Variants in PGPEP1L observed in about 807,000 individuals in gnomAD.
PGPEP1L encodes the protein pyroglutamyl-peptidase I like, also known as pyroglutamyl-peptidase 1-like protein.
PGPEP1L carries 7 observed loss-of-function variants against 6.0 expected under a neutral mutation model. That is an observed-to-expected ratio of 1.17 (90% CI 0.66 to 2.19). The LOEUF (loss-of-function observed/expected upper bound fraction) is 2.19, where lower values mean the gene tolerates loss of function less well. Ranked by LOEUF, PGPEP1L falls within the 30% of genes most tolerant of loss-of-function variation. PGPEP1L has a pLI of 0.00. For missense variants in PGPEP1L, 209 were observed against 192.5 expected (o/e 1.09, Z -0.51); for synonymous variants, 103 against 83.9 (o/e 1.23, Z -1.24).
chr15:98,981,489 C>CAAAAA (rs769918543), intron 2 of PGPEP1L, among the ~76,000 whole-genome samples: 2 of 82,128 alleles, frequency 2.4e-5, no homozygotes, highest in African/African-American at 6.8e-5. Context: ...GACTCCGTCT[C>CAAAAA]AAAAAAAAAA....
chr15:98,983,395 A>T (rs928187092), intron 2 of PGPEP1L, among the ~76,000 whole-genome samples: 4 of 152,200 alleles, frequency 2.6e-5, no homozygotes, highest in Non-Finnish European at 5.9e-5. Flanking sequence ...ATTATTCTGC[A>T]TGTCAAGTTT....
chr15:98,979,289 C>G (rs73465797), intron 2 of PGPEP1L, among the ~76,000 whole-genome samples: 9,597 of 151,738 alleles, frequency 0.063, 607 homozygotes, highest in African/African-American at 0.16. Context: ...TAAGATGCAG[C>G]TGCCTGTGAG....
chr15:98,972,119 G>T (rs756777583), intron 2 of PGPEP1L, among the ~76,000 whole-genome samples: 1 of 152,074 alleles, frequency 6.6e-6, no homozygotes, highest in Non-Finnish European at 1.5e-5. Flanking sequence ...TTGGGAGGCC[G>T]AGGTGAGTGG....
rs1162598251 is a variant in PGPEP1L at position 98,990,247 on chromosome 15, A to G, written c.-142+15182T>C. On this transcript the variant is annotated intron_variant, in intron 2 of 4. Coordinates refer to ENST00000535714, the MANE Select transcript of PGPEP1L (RefSeq NM_001167902.2). ...ACGTGCAAAGACACACATAGGCTCAAAATAAAGGGATGGAGGAATATTTAC... is the reference window on the plus strand; with the variant it reads ...ACGTGCAAAGACACACATAGGCTCAGAATAAAGGGATGGAGGAATATTTAC... 2.0e-5 allele frequency among the ~76,000 whole-genome samples: 3 copies of G among 152,172 alleles called. No individual in the cohort carries two copies. In the East Asian group the frequency reaches 5.8e-4, roughly 29 times the overall value.
At chr15:98,971,292 A>C in intron 2 of PGPEP1L, 134 bp from the exon 3 acceptor site, 1 of 1,256,346 alleles carries the variant, frequency 8.0e-7, no homozygotes, top group South Asian at 1.5e-5. Flanking sequence ...GCCCTCAAGG[A>C]GCTCACAAAG....
intron 3 of PGPEP1L, among the ~76,000 whole-genome samples, chr15:98,970,807 C>T (rs2151753666): frequency 6.6e-6 from 1 of 152,268 alleles, no homozygotes; most frequent in South Asian, 2.1e-4. Context: ...CATTTCTTTT[C>T]CTCCTCCTTT....
chr15:98,970,541 T>G (rs2017478432), intron 3 of PGPEP1L, among the ~76,000 whole-genome samples: 1 of 151,882 alleles, frequency 6.6e-6, no homozygotes. Flanking sequence ...TGGTCCTTGT[T>G]TGGGGTTTTT....
At chr15:98,983,740 A>G (rs1036895823) in intron 2 of PGPEP1L, among the ~76,000 whole-genome samples, 1 of 152,216 alleles carries the variant, frequency 6.6e-6, no homozygotes, top group African/African-American at 2.4e-5. Context: ...TGCAAACAGC[A>G]TTAAGTCGCT....
chr15:98,990,509 T>G (rs925874779), intron 2 of PGPEP1L, among the ~76,000 whole-genome samples: 2 of 152,102 alleles, frequency 1.3e-5, no homozygotes, highest in African/African-American at 4.8e-5. Flanking sequence ...CACACAATAA[T>G]AGTGGGAGAC....
chr15:98,996,524 ATGTG>A (rs58220323), intron 2 of PGPEP1L, among the ~76,000 whole-genome samples: 4,642 of 151,652 alleles, frequency 0.031, 79 homozygotes, highest in Middle Eastern at 0.054. Context: ...ATATAGGGGT[ATGTG>A]TGTGTGTGTG....
intron 2 of PGPEP1L, among the ~76,000 whole-genome samples, chr15:98,992,616 C>CA (rs1231936989): frequency 6.6e-6 from 1 of 152,190 alleles, no homozygotes; most frequent in Admixed American, 6.5e-5. Flanking sequence ...CATATGCAAC[C>CA]AAAAAAGAGC....
intron 3 of PGPEP1L, 66 bp downstream of exon 3, chr15:98,970,970 G>A (rs984800211): frequency 2.9e-5 from 47 of 1,595,114 alleles, no homozygotes; most frequent in South Asian, 4.5e-5. Context: ...ACCAGGACCC[G>A]GGGGTTCAGA....
intron 2 of PGPEP1L, among the ~76,000 whole-genome samples, chr15:98,983,874 T>C (rs2017704466): frequency 6.6e-6 from 1 of 152,178 alleles, no homozygotes; most frequent in Admixed American, 6.5e-5. Context: ...ACAATAAAAA[T>C]GCATTTGAGT....
chr15:98,990,534 G>A (rs1356056375), intron 2 of PGPEP1L, among the ~76,000 whole-genome samples: 51 of 152,254 alleles, frequency 3.3e-4, no homozygotes, highest in African/African-American at 1.2e-3. Flanking sequence ...ACACCCCACT[G>A]TCAATATTAA....
At position 98,971,198 on chromosome 15, in the gene PGPEP1L, G is replaced by A. The variant is rs762455672; in HGVS notation, c.-141-40C>T. On this transcript the variant is annotated intron_variant, in intron 2 of 4. Coordinates refer to ENST00000535714, the MANE Select transcript of PGPEP1L (RefSeq NM_001167902.2). ...AGGTGGACTTGCCTCAGTTGATGGG[G>A]GGGGGGGGGGGGTGGGCACCAAGAG... 1.2e-4 allele frequency: 35 copies of A among 286,916 alleles called. 3 individuals carry two copies. Among genetic ancestry groups the A allele is most frequent in the Admixed American group, 8.0e-4 (7 of 8,716 alleles). The allele number at this position is 286,916 out of a possible 1,614,324, so 17.8% of individuals were successfully genotyped here.
intron 2 of PGPEP1L, among the ~76,000 whole-genome samples, chr15:98,978,952 T>C (rs575942357): frequency 3.3e-5 from 5 of 151,850 alleles, no homozygotes; most frequent in African/African-American, 1.2e-4. Context: ...ATGGTCTCGA[T>C]CTCTTGACCT....
rs2017473957 is a variant in PGPEP1L at position 98,970,235 on chromosome 15, G to C, written c.-18-584C>G. On this transcript the variant is annotated intron_variant, in intron 3 of 4. Transcript: ENST00000535714. ...ATTTTTGTATTTGTAGTAGAGATGG[G>C]ATTTCACCATGTTGGCCAGGCTGGT... is the stretch of plus-strand genomic sequence containing the variant. 4.0e-5 allele frequency among the ~76,000 whole-genome samples: 6 copies of C among 151,370 alleles called. No individual in the cohort carries two copies. The South Asian group carries it at 1.3e-3, about 32-fold the overall frequency.
chr15:98,998,775 C>T (rs370333810), intron 2 of PGPEP1L, among the ~76,000 whole-genome samples: 1 of 152,098 alleles, frequency 6.6e-6, no homozygotes, highest in African/African-American at 2.4e-5. Context: ...GTCAGGAGTT[C>T]GAGACCAGCC....
intron 2 of PGPEP1L, among the ~76,000 whole-genome samples, chr15:98,988,558 G>A (rs1178779714): frequency 6.6e-6 from 1 of 152,236 alleles, no homozygotes; most frequent in African/African-American, 2.4e-5. Flanking sequence ...GCAGCTGTGG[G>A]CGCAGCTTCA....
Sources: allele counts gnomAD v4.1 joint callset (sites outside exome capture counted in the v4.1 genomes callset), GRCh38; gene constraint gnomAD v4.1.1; transcripts MANE v1.5; gene names NCBI Gene and HGNC (gene_info 2026-07-23, HGNC 2026-07-21).